Variants in ATF7 observed in about 807,000 individuals in gnomAD.
ATF7 encodes activating transcription factor 7.
In ATF7, 10 loss-of-function variants were observed where a neutral mutation model predicts 50.4. The observed-to-expected ratio is 0.20, with a 90% CI of 0.12 to 0.34. The LOEUF (loss-of-function observed/expected upper bound fraction) is 0.34, where lower values mean the gene tolerates loss of function less well. ATF7 is among the 10% of genes least tolerant of loss of function. ATF7 has a pLI of 1.00. For synonymous variants in ATF7, 201 were observed against 226.4 expected (o/e 0.89, Z 1.01); for missense variants, 465 against 613.9 (o/e 0.76, Z 2.56).
At chr12:53,550,334 ATAAAT>A (rs1397496257) in intron 3 of ATF7, among the ~76,000 whole-genome samples, 28 of 123,982 alleles carry the variant, frequency 2.3e-4, no homozygotes, top group East Asian at 9.6e-4. Context: ...AAAAAAAAAA[ATAAAT>A]AAATAAATAA....
chr12:53,593,315 G>A (rs920067962), intron 2 of ATF7, among the ~76,000 whole-genome samples: 1 of 152,098 alleles, frequency 6.6e-6, no homozygotes, highest in Non-Finnish European at 1.5e-5. Flanking sequence ...GACTGCCTGA[G>A]CCCAGGAGTT....
rs376105724 is a variant in ATF7, at chr12:53,583,237, T to C, written c.48+17716A>G. Among the ~76,000 whole-genome samples, 309 of 152,240 alleles carry C rather than the reference T, an allele frequency of 2.0e-3. 1 individual carries two copies. The highest frequency in any genetic ancestry group is 7.1e-3 in the African/African-American group (297 of 41,542). On this transcript the variant is annotated intron_variant, in intron 2 of 11. Transcript: ENST00000420353. ...GTATTTACAGCCACTCCCCATCACT[T>C]GCATTACAGCCAGAACTCTGCCTTC...
At chr12:53,609,821 C>CTTTTTTTTTTT (rs757421100) in intron 1 of ATF7, among the ~76,000 whole-genome samples, 17,134 of 114,564 alleles carry the variant, frequency 0.15, 2,510 homozygotes, top group East Asian at 0.53. Context: ...AAATGTTATG[C>CTTTTTTTTTTT]TTTTTTTTTT....
intron 4 of ATF7, among the ~76,000 whole-genome samples, chr12:53,539,532 A>C (rs893777177): frequency 2.6e-5 from 4 of 152,064 alleles, no homozygotes; most frequent in African/African-American, 9.7e-5. Flanking sequence ...TGTCTCTATG[A>C]AAATAAATTA....
intron 5 of ATF7, among the ~76,000 whole-genome samples, chr12:53,535,760 A>G (rs1329977934): frequency 6.6e-6 from 1 of 152,156 alleles, no homozygotes; most frequent in Non-Finnish European, 1.5e-5. Flanking sequence ...CATTTTTTCG[A>G]AACTGTTAGA....
At chr12:53,577,728 A>AAAAAAAAG (rs1555221468) in intron 2 of ATF7, among the ~76,000 whole-genome samples, 2 of 147,294 alleles carry the variant, frequency 1.4e-5, no homozygotes, top group African/African-American at 2.6e-5. Context: ...AAAAAAAAAA[A>AAAAAAAAG]AAAGAAAGAA....
intron 4 of ATF7, among the ~76,000 whole-genome samples, chr12:53,542,285 G>T (rs1255804999): frequency 1.3e-5 from 2 of 151,782 alleles, no homozygotes. Context: ...AAATTAGCCA[G>T]GTGTGGTGGT....
chr12:53,585,202 C>T (rs1210382099), intron 2 of ATF7, among the ~76,000 whole-genome samples: 9 of 152,194 alleles, frequency 5.9e-5, no homozygotes, highest in Middle Eastern at 3.4e-3. Flanking sequence ...TCTTGAACTC[C>T]TGGGCTCCAG....
intron 1 of ATF7, among the ~76,000 whole-genome samples, chr12:53,603,370 A>G (rs1943476712): frequency 6.6e-6 from 1 of 152,174 alleles, no homozygotes; most frequent in Non-Finnish European, 1.5e-5. Flanking sequence ...ATGAAAAATC[A>G]TGACTTTCTG....
intron 1 of ATF7, among the ~76,000 whole-genome samples, chr12:53,612,273 G>T (rs1943912843): frequency 6.6e-6 from 1 of 150,584 alleles, no homozygotes; most frequent in Non-Finnish European, 1.5e-5. Flanking sequence ...ACCGTGCCTG[G>T]CAGCTGCATT....
intron 2 of ATF7, among the ~76,000 whole-genome samples, chr12:53,593,438 T>C (rs1943030435): frequency 6.6e-6 from 1 of 152,140 alleles, no homozygotes; most frequent in Non-Finnish European, 1.5e-5. Flanking sequence ...CACTGGCACA[T>C]AGTTAAAAAG....
intron 1 of ATF7, 127 bp downstream of exon 1, chr12:53,626,152 A>T (rs1370393269): frequency 1.3e-5 from 2 of 152,862 alleles, no homozygotes; most frequent in East Asian, 3.9e-4. Flanking sequence ...GGGCCCGGCC[A>T]CCGCCTCAGC....
At position 53,514,685 on chromosome 12, in the gene ATF7, T is replaced by A. The variant is rs1937619086; in HGVS notation, c.*2452A>T. On this transcript the variant is annotated 3_prime_UTR_variant, in exon 12 of 12. Coordinates refer to ENST00000420353, the MANE Select transcript of ATF7 (RefSeq NM_006856.3). ...CATCTTCCCACTGATAAAAATGAAG[T>A]TAGGACTAGATAATTAGTCATGGGG... 6.6e-6 allele frequency: 1 copy of A among 152,092 alleles called. No individual in the cohort carries two copies. The highest frequency in any genetic ancestry group is 2.1e-4 in the South Asian group (1 of 4,822). The allele number at this position is 152,092 out of a possible 1,614,324, so 9.4% of individuals were successfully genotyped here. A position where few individuals can be genotyped will look rare whatever the true frequency, so the allele number is the denominator to read the frequency against.
In ATF7 at chr12:53,524,991, A is replaced by G; in HGVS notation, c.928-230T>C. 1 of 459,456 alleles carries G rather than the reference A, an allele frequency of 2.2e-6. No homozygotes were observed. Among genetic ancestry groups the G allele is most frequent in the South Asian group, 4.2e-5 (1 of 24,086 alleles). The allele number at this position is 459,456 out of a possible 1,614,324, so 28.5% of individuals were successfully genotyped here. Reference sequence around the variant, plus strand: ...CTCATACTTAGACAAACTACAGTTCATTTGGAAACTCTGATTATTTATAAG... The same window carrying G: ...CTCATACTTAGACAAACTACAGTTCGTTTGGAAACTCTGATTATTTATAAG... On this transcript the variant is annotated intron_variant, in intron 9 of 11. Transcript: ENST00000420353. The surrounding 1 kb of genome is among the most constrained non-coding windows in gnomAD (Gnocchi z 4.6).
intron 2 of ATF7, among the ~76,000 whole-genome samples, chr12:53,571,871 A>T (rs545622525): frequency 1.3e-5 from 2 of 152,280 alleles, no homozygotes; most frequent in Non-Finnish European, 2.9e-5. Context: ...GTTAAAAACC[A>T]GCCTGGCCAA....
chr12:53,588,146 G>A (rs1042744235), intron 2 of ATF7, among the ~76,000 whole-genome samples: 14 of 151,878 alleles, frequency 9.2e-5, no homozygotes, highest in African/African-American at 2.4e-4. Context: ...CACTGCGCCC[G>A]GCCACTTCTA....
intron 1 of ATF7, among the ~76,000 whole-genome samples, chr12:53,609,150 T>A (rs1400714170): frequency 2.1e-5 from 3 of 144,336 alleles, no homozygotes; most frequent in Non-Finnish European, 4.5e-5. Flanking sequence ...TTTCTTTCTC[T>A]TTTTTCCTTT....
At chr12:53,537,213 C>T (rs1939274492) in intron 5 of ATF7, among the ~76,000 whole-genome samples, 1 of 151,928 alleles carries the variant, frequency 6.6e-6, no homozygotes. Context: ...GAACTACAGG[C>T]ATGCTCCACC....
rs1290673414 is a variant in ATF7, at chr12:53,523,093, A to C, written c.1234+183T>G. ...CAACCCCCAACTATAACAGATAATT[A>C]GCTCTATATCGTCTACAAAAACATT... On this transcript the variant is annotated intron_variant, in intron 11 of 11. Transcript: ENST00000420353. 3 of 538,860 alleles carry C rather than the reference A, an allele frequency of 5.6e-6. No individual in the cohort carries two copies. The African/African-American group carries it at 5.7e-5, about 10-fold the overall frequency. The allele number at this position is 538,860 out of a possible 1,614,324, so 33.4% of individuals were successfully genotyped here. A position where few individuals can be genotyped will look rare whatever the true frequency, so the allele number is the denominator to read the frequency against.
Sources: gnomAD v4.1 joint callset for allele counts (sites outside exome capture counted in the v4.1 genomes callset) on GRCh38, gnomAD v4.1.1 for gene constraint, Gnocchi (gnomAD v3.1) non-coding constraint, MANE v1.5 for transcripts, NCBI Gene and HGNC (gene_info 2026-07-23, HGNC 2026-07-21) for gene names.